IL1RAPL1: variants seen among roughly 807,000 people sequenced by gnomAD.
The protein encoded by IL1RAPL1 is interleukin 1 receptor accessory protein like 1.
Under a neutral mutation model 48.4 loss-of-function variants are expected in IL1RAPL1, and 3 were observed. That is an observed-to-expected ratio of 0.06 (90% CI 0.03 to 0.16). The LOEUF is 0.16. Among genes scored for constraint, IL1RAPL1 ranks in the 10% least tolerant of loss-of-function variants. The pLI is 1.00. For missense variants in IL1RAPL1, 349 were observed against 530.6 expected (o/e 0.66, Z 3.36); for synonymous variants, 185 against 187.7 (o/e 0.99, Z 0.12).
chrX:29,059,243 T>C (rs144712380), intron 2 of IL1RAPL1, among the ~76,000 whole-genome samples: 96 of 111,957 alleles, frequency 8.6e-4, no homozygotes, highest in African/African-American at 2.9e-3. Flanking sequence ...TGTTAGACTA[T>C]GGAAAGCCAG....
intron 2 of IL1RAPL1, among the ~76,000 whole-genome samples, chrX:28,900,597 C>T (rs185513725): frequency 1.3e-3 from 148 of 112,062 alleles, no homozygotes; most frequent in African/African-American, 4.2e-3. Context: ...AATGGAATGA[C>T]ATAATTGACA....
At chrX:28,733,334 C>T (rs955441807) in intron 1 of IL1RAPL1, among the ~76,000 whole-genome samples, 1 of 110,720 alleles carries the variant, frequency 9.0e-6, no homozygotes, top group Non-Finnish European at 1.9e-5. Context: ...CCCAGCTCCT[C>T]CTGCCATTTC....
chrX:28,970,069 C>T (rs1022873964), intron 2 of IL1RAPL1, among the ~76,000 whole-genome samples: 14 of 110,785 alleles, frequency 1.3e-4, no homozygotes, highest in Non-Finnish European at 2.3e-4. Flanking sequence ...GGTGCAACCT[C>T]GGCTCACTGC....
At chrX:29,944,040 ACTCTGT>A (rs778045130) in intron 9 of IL1RAPL1, among the ~76,000 whole-genome samples, 6 of 111,617 alleles carry the variant, frequency 5.4e-5, no homozygotes, top group Admixed American at 1.9e-4. Flanking sequence ...GATTCTTAGA[ACTCTGT>A]CTCTGAGGCC....
chrX:29,876,453 C>T (rs1349143763), intron 6 of IL1RAPL1, among the ~76,000 whole-genome samples: 5 of 111,247 alleles, frequency 4.5e-5, no homozygotes, highest in Non-Finnish European at 7.5e-5. Flanking sequence ...AGTGAAGAGG[C>T]CTGGAAAATT....
rs182002335 is a variant in IL1RAPL1 at position 28,873,617 on chromosome X, C to T, written c.82+84192C>T. ...CTCAATCTCGGCTCACTGCAAGTTC[C>T]GCCTCCGGGGTTCACGCCATTCTCC... On this transcript the variant is annotated intron_variant, in intron 2 of 10. Coordinates refer to ENST00000378993, the MANE Select transcript of IL1RAPL1 (RefSeq NM_014271.4). Among the ~76,000 whole-genome samples the T allele has an allele frequency of 3.3e-3, 339 of 103,437 alleles. 1 individual carries two copies. Among genetic ancestry groups the T allele is most frequent in the African/African-American group, 0.011 (296 of 27,957 alleles). 89.8% of individuals were successfully genotyped at this position (103,437 alleles called of 115,157 possible). A position where few individuals can be genotyped will look rare whatever the true frequency, so the allele number is the denominator to read the frequency against.
At chrX:29,155,259 G>A (rs775548832) in intron 2 of IL1RAPL1, among the ~76,000 whole-genome samples, 34 of 111,390 alleles carry the variant, frequency 3.1e-4, no homozygotes, top group African/African-American at 1.0e-3. Context: ...TAATCCACCC[G>A]CCTCAGCCTC....
At chrX:29,857,249 G>A (rs1931494114) in intron 6 of IL1RAPL1, among the ~76,000 whole-genome samples, 2 of 110,971 alleles carry the variant, frequency 1.8e-5, no homozygotes, top group African/African-American at 6.5e-5. Context: ...GAACATTAAA[G>A]GAACTGCCAA....
intron 1 of IL1RAPL1, among the ~76,000 whole-genome samples, chrX:28,728,274 A>G (rs976193836): frequency 9.0e-6 from 1 of 111,649 alleles, no homozygotes; most frequent in African/African-American, 3.2e-5. Flanking sequence ...CAAAATTAGC[A>G]GAAAGATTAC....
At chrX:29,174,113 G>A (rs1162070396) in intron 2 of IL1RAPL1, among the ~76,000 whole-genome samples, 2 of 110,386 alleles carry the variant, frequency 1.8e-5, no homozygotes, top group Non-Finnish European at 1.9e-5. Context: ...TGGTAGAGAC[G>A]GGGTTTCTCC....
intron 1 of IL1RAPL1, among the ~76,000 whole-genome samples, chrX:28,766,039 GATATTCATTTTAA>G (rs2147253695): frequency 9.0e-6 from 1 of 111,415 alleles, no homozygotes; most frequent in East Asian, 2.8e-4. Flanking sequence ...TGCATACCCT[GATATTCATTTTAA>G]TGAAAAATTT....
chrX:29,770,839 C>A (rs774754622), intron 6 of IL1RAPL1, among the ~76,000 whole-genome samples: 1 of 112,268 alleles, frequency 8.9e-6, no homozygotes, highest in Non-Finnish European at 1.9e-5. Flanking sequence ...TTCAAATTTG[C>A]AGATCTACCA....
At position 28,685,540 on chromosome X, in the gene IL1RAPL1, G is replaced by A. The variant is rs367560589; in HGVS notation, c.-25+97493G>A. On this transcript the variant is annotated intron_variant, in intron 1 of 10. Coordinates refer to ENST00000378993, the MANE Select transcript of IL1RAPL1 (RefSeq NM_014271.4). ...ACTTTTAGATGCTCTCTATGAGGAA[G>A]GTGAGCAAACAAAAATAAACTCACA... Among the ~76,000 whole-genome samples, 43 of 111,910 alleles carry A rather than the reference G, an allele frequency of 3.8e-4. No individual in the cohort carries two copies. The East Asian group carries it at 4.2e-3, about 11-fold the overall frequency.
At chrX:28,956,386 T>TTGGCTG (rs1357094660) in intron 2 of IL1RAPL1, among the ~76,000 whole-genome samples, 4 of 110,151 alleles carry the variant, frequency 3.6e-5, no homozygotes, top group Non-Finnish European at 5.7e-5. Flanking sequence ...CAGTATGATA[T>TTGGCTG]TGGCTGTGGG....
chrX:28,638,191 C>A lies in IL1RAPL1; in HGVS notation c.-25+50144C>A, dbSNP rs374735045. ...GAATTTTTTACATCCCTTTATACTT[C>A]ATTAAAGCCTTTTTGGTGTATATTG... On this transcript the variant is annotated intron_variant, in intron 1 of 10. Coordinates refer to ENST00000378993, the MANE Select transcript of IL1RAPL1 (RefSeq NM_014271.4). 2.0e-4 allele frequency among the ~76,000 whole-genome samples: 22 copies of A among 111,597 alleles called. No individual in the cohort carries two copies. The East Asian group carries it at 4.6e-3, about 23-fold the overall frequency.
At chrX:28,618,756 G>A (rs969022931) in intron 1 of IL1RAPL1, among the ~76,000 whole-genome samples, 2 of 112,046 alleles carry the variant, frequency 1.8e-5, no homozygotes, top group African/African-American at 6.5e-5. Context: ...CTTATTAACA[G>A]GGTGTTGAGA....
chrX:29,585,417 C>T (rs5927857), intron 5 of IL1RAPL1, among the ~76,000 whole-genome samples: 31,799 of 111,301 alleles, frequency 0.29, 3,311 homozygotes, highest in South Asian at 0.45. Flanking sequence ...GTATCACATC[C>T]TCTTTATCCA....
chrX:29,489,455 T>C (rs1715120622), intron 5 of IL1RAPL1, among the ~76,000 whole-genome samples: 1 of 112,039 alleles, frequency 8.9e-6, no homozygotes, highest in Non-Finnish European at 1.9e-5. Flanking sequence ...CAAAAAATGA[T>C]TTTAAAAATG....
At chrX:29,335,455 G>C (rs1305619520) in intron 3 of IL1RAPL1, among the ~76,000 whole-genome samples, 1 of 108,880 alleles carries the variant, frequency 9.2e-6, no homozygotes, top group Non-Finnish European at 1.9e-5. Context: ...CTTATAGCAG[G>C]TACTCAACTA....
Sources: gnomAD v4.1 joint callset for allele counts (sites outside exome capture counted in the v4.1 genomes callset) on GRCh38, gnomAD v4.1.1 for gene constraint, MANE v1.5 for transcripts, NCBI Gene and HGNC (gene_info 2026-07-23, HGNC 2026-07-21) for gene names.